The following FAIM2 variants were observed in gnomAD, a reference collection of about 807,000 sequenced individuals.
The protein encoded by FAIM2 is protein lifeguard 2.
A neutral mutation model predicts 47.4 loss-of-function variants in FAIM2; 27 were observed. The observed-to-expected ratio is 0.57, with a 90% confidence interval of 0.42 to 0.78. The LOEUF is 0.78. Among genes scored for constraint, FAIM2 ranks in the 30% least tolerant of loss-of-function variants. The probability of loss-of-function intolerance (pLI) is 0.00; values close to 1 mark genes in which losing one functional copy is unlikely to be tolerated. For missense variants in FAIM2, 311 were observed against 389.4 expected (o/e 0.80, Z 1.69); for synonymous variants, 156 against 159.3 (o/e 0.98, Z 0.16).
At chr12:49,889,784 C>A (rs1946886474) in intron 8 of FAIM2, among the ~76,000 whole-genome samples, 1 of 152,132 alleles carries the variant, frequency 6.6e-6, no homozygotes, top group African/African-American at 2.4e-5. Context: ...TTAGAAGGAT[C>A]TTGATGAGGT....
At chr12:49,889,973 C>G in intron 8 of FAIM2, 144 bp downstream of exon 8, 1 of 775,214 alleles carries the variant, frequency 1.3e-6, no homozygotes, top group Non-Finnish European at 2.2e-6. Flanking sequence ...GCAGAGGACC[C>G]TAGGCCAAAG....
Position 49,898,078 on chromosome 12 carries a change from C to A in FAIM2, c.224G>T (p.Ser75Ile). Reference protein sequence around the residue: ...WAYVDPSSSSSYDNGFPTGDH... With the variant: ...WAYVDPSSSSIYDNGFPTGDH... Reference sequence around the variant, plus strand: ...TCCGGTGGGGAAACCGTTGTCATAGCTGGAGCTGCTGCCTGTGTGGCACGT... The same window carrying A: ...TCCGGTGGGGAAACCGTTGTCATAGATGGAGCTGCTGCCTGTGTGGCACGT... Residue 75 changes from serine to isoleucine, a missense_variant, in exon 3 of 12, where the codon AGC (serine) becomes ATC (isoleucine). Physicochemically the swap from Ser to Ile is moderately radical, Grantham distance 142 (BLOSUM62 -2). Transcript: ENST00000320634. 6 of 1,613,926 alleles carry A rather than the reference C, an allele frequency of 3.7e-6. No individual in the cohort carries two copies. Among genetic ancestry groups the A allele is most frequent in the Non-Finnish European group, 5.1e-6 (6 of 1,179,794 alleles).
chr12:49,884,225 G>GAA (rs760368215), intron 11 of FAIM2, among the ~76,000 whole-genome samples: 1 of 49,292 alleles, frequency 2.0e-5, no homozygotes. Flanking sequence ...CTCCGTCTCA[G>GAA]AAAAAAAAAA....
chr12:49,897,424 G>C, intron 4 of FAIM2, 95 bp downstream of exon 4: 1 of 1,182,052 alleles, frequency 8.5e-7, no homozygotes, highest in Non-Finnish European at 1.3e-6. Flanking sequence ...CATCTCTCCA[G>C]GCAGCATTCC....
At chr12:49,896,091 C>T (rs1946935247) in intron 5 of FAIM2, among the ~76,000 whole-genome samples, 1 of 152,236 alleles carries the variant, frequency 6.6e-6, no homozygotes, top group Admixed American at 6.5e-5. Context: ...CGTGTACAGG[C>T]TCACTCCTTC....
intron 11 of FAIM2, among the ~76,000 whole-genome samples, chr12:49,881,180 C>T (rs1345143001): frequency 6.6e-6 from 1 of 152,158 alleles, no homozygotes; most frequent in Non-Finnish European, 1.5e-5. Context: ...TCCCTGCCCC[C>T]ACCCACCCCG....
At position 49,889,094 on chromosome 12, in the gene FAIM2, C is replaced by T. The variant is rs1172811975; in HGVS notation, c.747+13G>A. On this transcript the variant is annotated intron_variant, in intron 10 of 11. Transcript: ENST00000320634. Reference sequence around the variant, plus strand: ...CCTCCCCATGGGGCCTGCTGGGGGACCCAGAGACTCACATATTGGAAGGGT... The same window carrying T: ...CCTCCCCATGGGGCCTGCTGGGGGATCCAGAGACTCACATATTGGAAGGGT... The T allele has an allele frequency of 1.3e-6, 2 of 1,595,750 alleles. No individual in the cohort carries two copies. Among genetic ancestry groups the T allele is most frequent in the African/African-American group, 2.7e-5 (2 of 74,664 alleles).
At position 49,875,566 on chromosome 12, in the gene FAIM2, A is replaced by G. The variant is rs544819269; in HGVS notation, c.802-4913T>C. 2.2e-3 allele frequency among the ~76,000 whole-genome samples: 338 copies of G among 152,318 alleles called. 1 individual carries two copies. The highest frequency in any genetic ancestry group is 3.7e-3 in the Non-Finnish European group (249 of 68,028). On this transcript the variant is annotated intron_variant, in intron 11 of 11. Coordinates refer to ENST00000320634, the MANE Select transcript of FAIM2 (RefSeq NM_012306.4). ...TGGCACAGACAACATTTGCACCCCC[A>G]GGAGGGCCACCAAAGGAACAGGGTC...
At position 49,891,123 on chromosome 12, in the gene FAIM2, G is replaced by A. The variant is rs1487550175; in HGVS notation, c.435-9C>T. 1.2e-6 allele frequency: 2 copies of A among 1,613,848 alleles called. No homozygotes were observed. The highest frequency in any genetic ancestry group is 1.7e-6 in the Non-Finnish European group (2 of 1,179,854). Reference sequence around the variant, plus strand: ...TTGCAAAGAACACAGCACTGTGAGAGACAGATGGATAGGTGAGTCAGCCAG... The same window carrying A: ...TTGCAAAGAACACAGCACTGTGAGAAACAGATGGATAGGTGAGTCAGCCAG... On this transcript the variant is annotated splice_polypyrimidine_tract_variant and intron_variant, in intron 5 of 11. Transcript: ENST00000320634.
Position 49,878,621 on chromosome 12 carries a change from T to TGTGCATGTGTATGTGTGC in FAIM2, c.802-7969_802-7968insGCACACATACACATGCAC, listed in dbSNP as rs1251880366. On this transcript the variant is annotated intron_variant, in intron 11 of 11. Coordinates refer to ENST00000320634, the MANE Select transcript of FAIM2 (RefSeq NM_012306.4). ...GTATGTGTGCATGTGTATGTGTGCA[T>TGTGCATGTGTATGTGTGC]ATGTGTATGTATGTGCCCTTGTATA... 4.1e-5 allele frequency among the ~76,000 whole-genome samples: 5 copies of TGTGCATGTGTATGTGTGC among 121,714 alleles called. 1 individual carries two copies. Among genetic ancestry groups the TGTGCATGTGTATGTGTGC allele is most frequent in the African/African-American group, 1.1e-4 (3 of 27,874 alleles). The allele number at this position is 121,714 out of a possible 152,430, so 79.8% of individuals were successfully genotyped here.
chr12:49,880,507 A>ATGTGTGTGTGTAT (rs1565615034), intron 11 of FAIM2, among the ~76,000 whole-genome samples: 1,850 of 34,772 alleles, frequency 0.053, 35 homozygotes, highest in African/African-American at 0.18. Context: ...TGTGTGTATG[A>ATGTGTGTGTGTAT]GTGTGTATGT....
rs762236456 is a variant in FAIM2 at position 49,889,220 on chromosome 12, G to T, written c.652-18C>A. ...AAGTCGAACTGTGGGGACAGGATGG[G>T]GTTAGCTGCAGGAGCGGCCTGACCT... On this transcript the variant is annotated intron_variant, in intron 9 of 11. Transcript: ENST00000320634. 6 of 1,596,472 alleles carry T rather than the reference G, an allele frequency of 3.8e-6. No homozygotes were observed. Among genetic ancestry groups the T allele is most frequent in the Middle Eastern group, 1.7e-4 (1 of 6,028 alleles).
chr12:49,888,668 C>T (rs1300933809), intron 10 of FAIM2, among the ~76,000 whole-genome samples: 1 of 152,176 alleles, frequency 6.6e-6, no homozygotes, highest in Non-Finnish European at 1.5e-5. Context: ...CCCGCTGCCC[C>T]ACGTCCCGCC....
intron 11 of FAIM2, among the ~76,000 whole-genome samples, chr12:49,873,336 CA>C (rs1216830293): frequency 6.6e-6 from 1 of 152,090 alleles, no homozygotes; most frequent in Non-Finnish European, 1.5e-5. Flanking sequence ...ATGTGGCATC[CA>C]CTATTTGTAT....
chr12:49,880,743 CAT>C (rs879298260), intron 11 of FAIM2, among the ~76,000 whole-genome samples: 11 of 134,778 alleles, frequency 8.2e-5, no homozygotes, highest in Non-Finnish European at 1.1e-4. Flanking sequence ...TGTATGTGTG[CAT>C]GTGTGTGTGC....
chr12:49,898,118 T>C (rs1354067099), intron 2 of FAIM2, 28 bp from the exon 3 acceptor site: 1 of 1,542,784 alleles, frequency 6.5e-7, no homozygotes, highest in South Asian at 1.1e-5. Context: ...GAGGAGGACA[T>C]GAGGGTTCCC....
intron 11 of FAIM2, among the ~76,000 whole-genome samples, chr12:49,875,431 G>A (rs1375849171): frequency 1.3e-5 from 2 of 152,144 alleles, no homozygotes; most frequent in African/African-American, 2.4e-5. Context: ...GAGAGGGTGA[G>A]GGGGTGAGGG....
At chr12:49,884,750 G>A (rs774407993) in intron 11 of FAIM2, among the ~76,000 whole-genome samples, 11 of 152,200 alleles carry the variant, frequency 7.2e-5, no homozygotes, top group Admixed American at 2.0e-4. Flanking sequence ...CAAGGCGGGC[G>A]GATCACGAGG....
At chr12:49,883,629 T>A (rs423934) in intron 11 of FAIM2, among the ~76,000 whole-genome samples, 2 of 151,996 alleles carry the variant, frequency 1.3e-5, no homozygotes, top group Non-Finnish European at 2.9e-5. Context: ...GAGATGTAAA[T>A]GTTAGAGTAA....
Sources: gnomAD v4.1 joint callset for allele counts (sites outside exome capture counted in the v4.1 genomes callset) on GRCh38, gnomAD v4.1.1 for gene constraint, MANE v1.5 for transcripts, NCBI Gene and HGNC (gene_info 2026-07-23, HGNC 2026-07-21) for gene names.